The following GABRG3 variants were observed in gnomAD, a reference collection of about 807,000 sequenced individuals.
GABRG3 encodes gamma-aminobutyric acid type A receptor subunit gamma3, also known as gamma-aminobutyric acid receptor subunit gamma-3.
GABRG3 carries 25 observed loss-of-function variants against 48.8 expected under a neutral mutation model. That is an observed-to-expected ratio of 0.51 (90% confidence interval 0.37 to 0.72). The LOEUF is 0.72. GABRG3 is among the 30% of genes least tolerant of loss of function. The pLI is 0.00. For synonymous variants in GABRG3, 227 were observed against 217.6 expected, an observed-to-expected ratio of 1.04 and a Z score of -0.38; for missense variants, 394 against 577.9, an observed-to-expected ratio of 0.68 and a Z score of 3.26.
Position 27,449,198 on chromosome 15 carries a change from A to G in GABRG3, c.575-31452A>G, listed in dbSNP as rs138451630. ...TGTTCTGGGAGCTGTAGCCTTTCCA[A>G]CAGAACTCTGCCTGTGCATACTCGC... On this transcript the variant is annotated intron_variant, in intron 5 of 9. Coordinates refer to ENST00000615808, the MANE Select transcript of GABRG3 (RefSeq NM_033223.5). Among the ~76,000 whole-genome samples the G allele has an allele frequency of 3.4e-4, 52 of 152,218 alleles. 1 individual carries two copies. In the East Asian group the frequency reaches 9.9e-3, roughly 29 times the overall value.
intron 3 of GABRG3, among the ~76,000 whole-genome samples, chr15:27,245,562 C>T (rs1443636186): frequency 6.6e-6 from 1 of 152,160 alleles, no homozygotes; most frequent in Non-Finnish European, 1.5e-5. Flanking sequence ...TTAAGGAATA[C>T]CTGAGACTGG....
intron 9 of GABRG3, among the ~76,000 whole-genome samples, chr15:27,528,238 CTT>C (rs1017153754): frequency 8.5e-5 from 13 of 152,178 alleles, no homozygotes; most frequent in African/African-American, 2.9e-4. Context: ...AGTTCTGACT[CTT>C]TTAGCCATTC....
intron 5 of GABRG3, among the ~76,000 whole-genome samples, chr15:27,410,730 A>G (rs1344439960): frequency 6.6e-6 from 1 of 151,624 alleles, no homozygotes; most frequent in African/African-American, 2.4e-5. Flanking sequence ...TTTCTCCTTC[A>G]TTTTTTTCCA....
chr15:27,532,500 CTATAGGAGACAGATG>C, intron 9 of GABRG3, 85 bp from the exon 10 acceptor site: 3 of 1,055,786 alleles, frequency 2.8e-6, no homozygotes, highest in Non-Finnish European at 4.0e-6. Context: ...TCCTCTTTAT[CTATAGGAGACAGATG>C]TAATATGGAC....
intron 9 of GABRG3, among the ~76,000 whole-genome samples, chr15:27,531,401 G>A (rs1891421156): frequency 6.6e-6 from 1 of 152,206 alleles, no homozygotes; most frequent in Non-Finnish European, 1.5e-5. Flanking sequence ...GGAAAGCAGT[G>A]CCATGTCTTC....
chr15:27,055,028 A>T (rs60354662), intron 3 of GABRG3, among the ~76,000 whole-genome samples: 2 of 130,576 alleles, frequency 1.5e-5, no homozygotes, highest in African/African-American at 5.7e-5. Context: ...TTTTTTTTTT[A>T]AATGACTTGT....
At chr15:27,519,794 T>A (rs12904612) in intron 6 of GABRG3, among the ~76,000 whole-genome samples, 178 bp from the exon 7 acceptor site, 96,458 of 152,146 alleles carry the variant, frequency 0.63, 31,980 homozygotes, top group African/African-American at 0.84. Context: ...ACAGCCATGG[T>A]TACTATGAAA....
intron 5 of GABRG3, among the ~76,000 whole-genome samples, chr15:27,424,272 G>A (rs1354670876): frequency 1.3e-5 from 2 of 152,108 alleles, no homozygotes; most frequent in East Asian, 1.9e-4. Flanking sequence ...CATTTGTGCT[G>A]CTATAACAAA....
intron 5 of GABRG3, among the ~76,000 whole-genome samples, chr15:27,417,413 A>G (rs1357354109): frequency 2.0e-5 from 3 of 151,850 alleles, no homozygotes; most frequent in African/African-American, 7.3e-5. Flanking sequence ...TCCTCCTTCT[A>G]CCCCTGTTGG....
intron 6 of GABRG3, among the ~76,000 whole-genome samples, chr15:27,496,642 A>G (rs1310312171): frequency 6.6e-6 from 1 of 152,176 alleles, no homozygotes; most frequent in Non-Finnish European, 1.5e-5. Context: ...GTTTTATTTA[A>G]CTTAGTGGAT....
At chr15:27,112,806 A>G (rs1016966879) in intron 3 of GABRG3, among the ~76,000 whole-genome samples, 4 of 152,160 alleles carry the variant, frequency 2.6e-5, no homozygotes, top group African/African-American at 9.7e-5. Context: ...CACCCTATCA[A>G]TCAGTCAGCT....
At chr15:27,259,847 G>T (rs185784197) in intron 3 of GABRG3, among the ~76,000 whole-genome samples, 1 of 152,146 alleles carries the variant, frequency 6.6e-6, no homozygotes, top group Non-Finnish European at 1.5e-5. Context: ...AAGATCAAAC[G>T]CCAAATTCAA....
chr15:27,249,321 T>C (rs1274471030), intron 3 of GABRG3, among the ~76,000 whole-genome samples: 1 of 152,154 alleles, frequency 6.6e-6, no homozygotes, highest in African/African-American at 2.4e-5. Context: ...GTTCCTCACA[T>C]GCATCCCAGA....
chr15:27,036,322 G>C (rs976655643), intron 3 of GABRG3, among the ~76,000 whole-genome samples: 1 of 152,206 alleles, frequency 6.6e-6, no homozygotes, highest in African/African-American at 2.4e-5. Flanking sequence ...ACCAGTGTGA[G>C]GGGCCTGCGT....
chr15:27,529,650 A>G (rs1396749853), intron 9 of GABRG3, among the ~76,000 whole-genome samples: 1 of 152,150 alleles, frequency 6.6e-6, no homozygotes, highest in East Asian at 1.9e-4. Flanking sequence ...TCACTGTTAC[A>G]GCTGCGGGGA....
chr15:27,192,114 C>T (rs1358910195), intron 3 of GABRG3, among the ~76,000 whole-genome samples: 1 of 152,142 alleles, frequency 6.6e-6, no homozygotes, highest in Non-Finnish European at 1.5e-5. Context: ...TGATGGGCTT[C>T]CCTTTGAGGG....
intron 3 of GABRG3, among the ~76,000 whole-genome samples, chr15:27,324,624 C>T (rs1893543836): frequency 6.6e-6 from 1 of 152,230 alleles, no homozygotes. Context: ...CGGTACCATT[C>T]AATCTCAAGT....
chr15:27,350,071 T>G, intron 5 of GABRG3: 1 of 456,022 alleles, frequency 2.2e-6, no homozygotes, highest in Admixed American at 2.3e-5. Flanking sequence ...ACAAAATCTC[T>G]AATTTAGATA....
chr15:27,131,468 G>A (rs1264711467), intron 3 of GABRG3, among the ~76,000 whole-genome samples: 1 of 151,878 alleles, frequency 6.6e-6, no homozygotes, highest in Non-Finnish European at 1.5e-5. Context: ...TGTATCAGTA[G>A]TCAAAAAGAT....
Sources: gnomAD v4.1 joint callset for allele counts (sites outside exome capture counted in the v4.1 genomes callset) on GRCh38, gnomAD v4.1.1 for gene constraint, MANE v1.5 for transcripts, NCBI Gene and HGNC (gene_info 2026-07-23, HGNC 2026-07-21) for gene names.